The following DNER variants were observed in gnomAD, a reference collection of about 807,000 sequenced individuals.
DNER encodes delta/notch like EGF repeat containing.
Under a neutral mutation model 78.2 loss-of-function variants are expected in DNER, and 33 were observed. That is an observed-to-expected ratio of 0.42 (90% confidence interval 0.32 to 0.56). The LOEUF is 0.56. Ranked by LOEUF, DNER falls within the 20% of genes least tolerant of loss-of-function variation. The pLI is 0.11. For missense variants in DNER, 918 were observed against 975.3 expected, an observed-to-expected ratio of 0.94 and a Z score of 0.78; for synonymous variants, 417 against 384.8, an observed-to-expected ratio of 1.08 and a Z score of -0.98.
chr2:229,500,646 C>G (rs1369536650), intron 6 of DNER, among the ~76,000 whole-genome samples: 1 of 152,112 alleles, frequency 6.6e-6, no homozygotes, highest in African/African-American at 2.4e-5. Flanking sequence ...TATCCATCAA[C>G]AGGTGAGTGA....
At chr2:229,423,522 C>T (rs575081197) in intron 8 of DNER, among the ~76,000 whole-genome samples, 3 of 150,430 alleles carry the variant, frequency 2.0e-5, no homozygotes, top group African/African-American at 7.3e-5. Flanking sequence ...GGCTGTGACA[C>T]ATGAATCACT....
At chr2:229,437,939 G>C (rs982113342) in intron 8 of DNER, among the ~76,000 whole-genome samples, 5 of 152,166 alleles carry the variant, frequency 3.3e-5, no homozygotes, top group African/African-American at 1.2e-4. Context: ...AGCTAATCAA[G>C]AGAAACTACC....
At chr2:229,672,689 G>A (rs1301886128) in intron 1 of DNER, among the ~76,000 whole-genome samples, 1 of 151,308 alleles carries the variant, frequency 6.6e-6, no homozygotes, top group East Asian at 1.9e-4. Context: ...GAGATAGAGA[G>A]AGAGGTGAAA....
chr2:229,573,068 T>C (rs2154214076), intron 4 of DNER, among the ~76,000 whole-genome samples: 1 of 152,320 alleles, frequency 6.6e-6, no homozygotes, highest in Admixed American at 6.5e-5. Flanking sequence ...GCAGATGACG[T>C]GATCCCTGTT....
At chr2:229,394,049 C>A (rs999654211) in intron 10 of DNER, among the ~76,000 whole-genome samples, 1 of 151,900 alleles carries the variant, frequency 6.6e-6, no homozygotes, top group Non-Finnish European at 1.5e-5. Context: ...TGCAACAAAC[C>A]CCAAGCAGGA....
intron 6 of DNER, among the ~76,000 whole-genome samples, chr2:229,484,444 G>A (rs1029731568): frequency 2.0e-5 from 3 of 152,164 alleles, no homozygotes; most frequent in Non-Finnish European, 4.4e-5. Flanking sequence ...CCCCTCTTCT[G>A]AACTTCGATC....
In DNER at chr2:229,407,312, G is replaced by C. The variant is rs759084004; in HGVS notation, c.1643C>G (p.Ala548Gly). ...GGCTCCGTTCAGACAGCTGACGTTA[G>C]CGCAGGGATCCTTGTACAATTCACA... ...THCELYKDPC[A>G]NVSCLNGATC... Residue 548 changes from alanine (A) to glycine (G), a missense_variant, in exon 10 of 13, where the codon GCT becomes GGT. By Grantham distance (60) the Ala-to-Gly change is moderately conservative (BLOSUM62 0). Coordinates refer to ENST00000341772, the MANE Select transcript of DNER (RefSeq NM_139072.4). The C allele has an allele frequency of 1.5e-5, 24 of 1,613,974 alleles. No individual in the cohort carries two copies. The East Asian group carries it at 5.3e-4, about 36-fold the overall frequency.
intron 4 of DNER, among the ~76,000 whole-genome samples, chr2:229,561,263 G>A (rs997890606): frequency 6.6e-6 from 1 of 152,150 alleles, no homozygotes; most frequent in East Asian, 1.9e-4. Flanking sequence ...CCATCAGGTA[G>A]ATTATACCTA....
chr2:229,573,304 G>A (rs141459377), intron 4 of DNER, among the ~76,000 whole-genome samples: 1 of 152,298 alleles, frequency 6.6e-6, no homozygotes, highest in African/African-American at 2.4e-5. Flanking sequence ...AAACCCAAAT[G>A]TCAGAGAGAG....
At chr2:229,394,733 A>C (rs1226550254) in intron 10 of DNER, among the ~76,000 whole-genome samples, 2 of 152,244 alleles carry the variant, frequency 1.3e-5, no homozygotes, top group Non-Finnish European at 2.9e-5. Context: ...TTCTGTGGCC[A>C]TTGAGGACGG....
chr2:229,700,218 C>T (rs535842575), intron 1 of DNER, among the ~76,000 whole-genome samples: 3 of 151,678 alleles, frequency 2.0e-5, no homozygotes, highest in Admixed American at 6.6e-5. Context: ...AATTCTCCAA[C>T]CTTTTTGGAT....
intron 5 of DNER, among the ~76,000 whole-genome samples, chr2:229,530,452 T>C (rs1040973703): frequency 3.9e-5 from 6 of 152,332 alleles, no homozygotes; most frequent in African/African-American, 1.2e-4. Flanking sequence ...CGATATCCCA[T>C]TGCACATATC....
At chr2:229,683,342 G>A (rs909341204) in intron 1 of DNER, among the ~76,000 whole-genome samples, 1 of 152,128 alleles carries the variant, frequency 6.6e-6, no homozygotes, top group Non-Finnish European at 1.5e-5. Flanking sequence ...TCTTAACCTT[G>A]ACACGTTGCT....
chr2:229,480,721 T>C (rs1301628156), intron 6 of DNER, among the ~76,000 whole-genome samples: 2 of 152,244 alleles, frequency 1.3e-5, no homozygotes, highest in African/African-American at 2.4e-5. Context: ...AATATATTAA[T>C]AACAGAGTTG....
chr2:229,578,599 G>T (rs908108814), intron 4 of DNER, among the ~76,000 whole-genome samples: 16 of 152,078 alleles, frequency 1.1e-4, no homozygotes, highest in African/African-American at 3.9e-4. Flanking sequence ...TTTTCTACTG[G>T]AACTTTTCCC....
chr2:229,439,247 G>A (rs1025399793), intron 8 of DNER, among the ~76,000 whole-genome samples: 1 of 152,138 alleles, frequency 6.6e-6, no homozygotes, highest in African/African-American at 2.4e-5. Flanking sequence ...CTCACCTCCA[G>A]TCCAACTCTA....
At chr2:229,683,833 C>A (rs1409421762) in intron 1 of DNER, among the ~76,000 whole-genome samples, 1 of 151,872 alleles carries the variant, frequency 6.6e-6, no homozygotes, top group Non-Finnish European at 1.5e-5. Context: ...GGGATGGGGG[C>A]TGGGGGCTGG....
At chr2:229,652,728 C>G (rs970825101) in intron 1 of DNER, among the ~76,000 whole-genome samples, 1 of 152,060 alleles carries the variant, frequency 6.6e-6, no homozygotes, top group Non-Finnish European at 1.5e-5. Context: ...TTTTCAGCCT[C>G]GTATCTTGGG....
intron 4 of DNER, among the ~76,000 whole-genome samples, chr2:229,557,425 C>T (rs1696872328): frequency 6.6e-6 from 1 of 152,140 alleles, no homozygotes; most frequent in Non-Finnish European, 1.5e-5. Flanking sequence ...AGACGAAAAC[C>T]AGTAAAGTAG....
Sources: gnomAD v4.1 joint callset for allele counts (sites outside exome capture counted in the v4.1 genomes callset) on GRCh38, gnomAD v4.1.1 for gene constraint, MANE v1.5 for transcripts, NCBI Gene and HGNC (gene_info 2026-07-23, HGNC 2026-07-21) for gene names.